Variants in TOP1MT observed in about 807,000 individuals in gnomAD.
TOP1MT encodes DNA topoisomerase I, mitochondrial.
TOP1MT carries 80 observed loss-of-function variants against 73.9 expected under a neutral mutation model. The observed-to-expected ratio is 1.08, with a 90% CI of 0.90 to 1.30. TOP1MT has a LOEUF of 1.30. TOP1MT is among the 50% of genes most tolerant of loss of function. The probability of loss-of-function intolerance (pLI) is 0.00; values close to 1 mark genes in which losing one functional copy is unlikely to be tolerated. For missense variants in TOP1MT, 815 were observed against 808.0 expected (o/e 1.01, Z -0.10); for synonymous variants, 338 against 326.4 (o/e 1.04, Z -0.38).
chr8:143,337,812 C>T (rs1163163200), upstream of TOP1MT, among the ~76,000 whole-genome samples: 4 of 152,288 alleles, frequency 2.6e-5, no homozygotes, highest in East Asian at 7.7e-4. Context: ...GGCGCCACAC[C>T]CCAGGCCTGG....
At chr8:143,352,565 T>C (rs148280212) in intron 1 of TOP1MT, among the ~76,000 whole-genome samples, 94 of 152,318 alleles carry the variant, frequency 6.2e-4, no homozygotes, top group African/African-American at 2.2e-3. Flanking sequence ...GCCAAAGCTA[T>C]AAAACTCTTA....
Position 143,310,154 on chromosome 8 carries a change from C to T in TOP1MT, c.1617G>A (p.Val539=). The T allele has an allele frequency of 6.2e-7, 1 of 1,611,490 alleles. No homozygotes were observed. The highest frequency in any genetic ancestry group is 8.5e-7 in the Non-Finnish European group (1 of 1,179,016). The stretch of plus-strand genomic sequence containing the variant: ...TGTTCTCCTCCTTGTCCGTGGCCTG[C>T]ACACTCAGCTGCGCCAGCTGCTCCT... ...KLQEQLAQLS[V]QATDKEENKQ... The change falls in exon 13 of 14, where the codon GTG becomes GTA. Residue 539 remains valine, a synonymous_variant. Transcript: ENST00000329245.
At chr8:143,318,639 C>T (rs970081504) in intron 8 of TOP1MT, among the ~76,000 whole-genome samples, 13 of 152,336 alleles carry the variant, frequency 8.5e-5, no homozygotes, top group South Asian at 8.3e-4. Flanking sequence ...CCTCCCTGAG[C>T]GCTGGGCATC....
upstream of TOP1MT, among the ~76,000 whole-genome samples, chr8:143,347,071 G>A (rs1444569379): frequency 3.3e-5 from 5 of 151,672 alleles, no homozygotes; most frequent in South Asian, 4.2e-4. Context: ...TGCAACCTCC[G>A]CCTCCCAGGT....
At chr8:143,313,683 G>A (rs9802022) in intron 12 of TOP1MT, among the ~76,000 whole-genome samples, 2,358 of 150,956 alleles carry the variant, frequency 0.016, 114 homozygotes, top group East Asian at 0.096. Context: ...GTGAAACCCC[G>A]TCTCTACTAA....
intron 3 of TOP1MT, among the ~76,000 whole-genome samples, chr8:143,326,658 T>A (rs1816716267): frequency 6.6e-6 from 1 of 152,166 alleles, no homozygotes; most frequent in Non-Finnish European, 1.5e-5. Context: ...AATTCCACTT[T>A]GAGATCCATC....
chr8:143,335,788 C>T (rs1237779087), upstream of TOP1MT, among the ~76,000 whole-genome samples: 3 of 152,218 alleles, frequency 2.0e-5, no homozygotes, highest in East Asian at 1.9e-4. Flanking sequence ...GAAAGGAGTC[C>T]GGGCTGCCAC....
chr8:143,322,368 A>G (rs1416889468), intron 7 of TOP1MT, among the ~76,000 whole-genome samples: 1 of 87,814 alleles, frequency 1.1e-5, no homozygotes, highest in Non-Finnish European at 2.4e-5. Flanking sequence ...CGCCACACAC[A>G]CAGGCACGCC....
chr8:143,322,359 G>A (rs1240306999), intron 7 of TOP1MT, among the ~76,000 whole-genome samples: 11 of 71,252 alleles, frequency 1.5e-4, no homozygotes, highest in East Asian at 1.5e-3. Context: ...ACACACGCAC[G>A]CCACACACAC....
intron 6 of TOP1MT, 102 bp downstream of exon 6, chr8:143,324,383 C>T (rs1026988182): frequency 1.1e-4 from 178 of 1,551,750 alleles, no homozygotes; most frequent in Non-Finnish European, 1.5e-4. Context: ...ACTCCCAGCC[C>T]ATCTCAGAAG....
chr8:143,341,256 C>T lies in TOP1MT; in HGVS notation c.29+1964G>A, dbSNP rs1197104907. The stretch of plus-strand genomic sequence containing the variant: ...CAGTTTGTGCCTCTCTTCCACACAG[C>T]CCTTGCCCCGGCCAGTGTCTGTGAG... On this transcript the variant is annotated intron_variant, in intron 2 of 5. Transcript: ENST00000518007. This position sits in a 1 kb window ranked among gnomAD's most constrained non-coding sequence, Gnocchi z 4.1. Among the ~76,000 whole-genome samples, 2 of 152,184 alleles carry T rather than the reference C, an allele frequency of 1.3e-5. No homozygotes were observed. The highest frequency in any genetic ancestry group is 4.8e-5 in the African/African-American group (2 of 41,456).
chr8:143,330,354 G>A (rs962637122), intron 2 of TOP1MT, among the ~76,000 whole-genome samples: 6 of 152,234 alleles, frequency 3.9e-5, no homozygotes, highest in East Asian at 1.9e-4. Context: ...CGAGGCAGCC[G>A]CTACACCAGG....
upstream of TOP1MT, among the ~76,000 whole-genome samples, chr8:143,346,524 G>A (rs1272590006): frequency 6.6e-6 from 1 of 152,216 alleles, no homozygotes; most frequent in African/African-American, 2.4e-5. Context: ...CAGCATGCTT[G>A]TAGTCCCAGC....
chr8:143,342,793 AT>A, intron 2 of TOP1MT, among the ~76,000 whole-genome samples: 1 of 148,610 alleles, frequency 6.7e-6, no homozygotes, highest in Non-Finnish European at 1.5e-5. Context: ...TATTATTATT[AT>A]TATTATTAGA....
At chr8:143,324,755 C>A (rs1037074508) in intron 5 of TOP1MT, 126 bp from the exon 6 acceptor site, 30 of 1,257,658 alleles carry the variant, frequency 2.4e-5, no homozygotes, top group Non-Finnish European at 3.2e-5. Flanking sequence ...CTGACCGAGT[C>A]TGGCATCAGA....
rs999297755 is a variant in TOP1MT, at chr8:143,341,941, C to T, written c.29+1279G>A. Among the ~76,000 whole-genome samples the T allele has an allele frequency of 6.7e-6, 1 of 149,666 alleles. No individual in the cohort carries two copies. Among genetic ancestry groups the T allele is most frequent in the African/African-American group, 2.5e-5 (1 of 39,726 alleles). On this transcript the variant is annotated intron_variant, in intron 2 of 5. Coordinates refer to the TOP1MT transcript ENST00000518007. The surrounding 1 kb of genome is among the most constrained non-coding windows in gnomAD (Gnocchi z 4.1). ...TATTATTATTATTGAGACAGAGTCT[C>T]GCTCTGTTATTATTATTATTAGAGA...
chr8:143,340,663 G>A (rs530488777), intron 2 of TOP1MT, among the ~76,000 whole-genome samples: 10 of 152,280 alleles, frequency 6.6e-5, no homozygotes, highest in South Asian at 4.1e-4. Flanking sequence ...GTGGTGCCCC[G>A]TCCAGCTCAC....
chr8:143,339,312 G>C (rs571845714), upstream of TOP1MT, among the ~76,000 whole-genome samples: 1 of 152,206 alleles, frequency 6.6e-6, no homozygotes, highest in Admixed American at 6.5e-5. Flanking sequence ...CAAAGCAGGC[G>C]TGCGTATCAC....
intron 8 of TOP1MT, among the ~76,000 whole-genome samples, chr8:143,319,702 G>T (rs1816275865): frequency 6.6e-6 from 1 of 152,182 alleles, no homozygotes; most frequent in South Asian, 2.1e-4. Flanking sequence ...GGGGCTGTGG[G>T]GGTGGTGGGC....
Sources: allele counts gnomAD v4.1 joint callset (sites outside exome capture counted in the v4.1 genomes callset), GRCh38; gene constraint gnomAD v4.1.1; non-coding constraint Gnocchi (gnomAD v3.1); transcripts MANE v1.5; gene names NCBI Gene and HGNC (gene_info 2026-07-23, HGNC 2026-07-21).